CUX1: variants seen among roughly 807,000 people sequenced by gnomAD.
CUX1 encodes the protein protein CASP.
Under a neutral mutation model 158.8 loss-of-function variants are expected in CUX1, and 31 were observed. The observed-to-expected ratio is 0.20, with a 90% CI of 0.15 to 0.26. The LOEUF (loss-of-function observed/expected upper bound fraction) is 0.26, where lower values mean the gene tolerates loss of function less well. CUX1 is among the 10% of genes least tolerant of loss of function. The probability of loss-of-function intolerance (pLI) is 1.00; values close to 1 mark genes in which losing one functional copy is unlikely to be tolerated. For synonymous variants in CUX1, 879 were observed against 862.1 expected, an observed-to-expected ratio of 1.02 and a Z score of -0.34; for missense variants, 1,589 against 2,014.6, an observed-to-expected ratio of 0.79 and a Z score of 4.04.
chr7:102,113,787 A>G lies in CUX1; in HGVS notation c.608-1420A>G, dbSNP rs144889618. 1.7e-3 allele frequency among the ~76,000 whole-genome samples: 252 copies of G among 152,022 alleles called. 1 individual carries two copies. Among genetic ancestry groups the G allele is most frequent in the African/African-American group, 5.8e-3 (242 of 41,444 alleles). On this transcript the variant is annotated intron_variant, in intron 7 of 23. Transcript: ENST00000292535. ...CACTGTGTTGCCCAGGCTGGTCTTG[A>G]AGTTCTGGCCTCCAGTGATCCTCCC... is the stretch of plus-strand genomic sequence containing the variant.
At chr7:101,823,343 A>G (rs1022903493) in intron 1 of CUX1, among the ~76,000 whole-genome samples, 1 of 152,230 alleles carries the variant, frequency 6.6e-6, no homozygotes, top group Non-Finnish European at 1.5e-5. Flanking sequence ...CTCAAGAACT[A>G]GCCAGCCGGG....
intron 10 of CUX1, among the ~76,000 whole-genome samples, chr7:102,172,707 A>G (rs1201478304): frequency 2.6e-5 from 4 of 152,202 alleles, no homozygotes; most frequent in Non-Finnish European, 5.9e-5. Context: ...AATCTAGATC[A>G]AGGTATTAAG....
At chr7:102,097,335 G>T in intron 4 of CUX1, 29 bp from the exon 5 acceptor site, 1 of 1,593,260 alleles carries the variant, frequency 6.3e-7, no homozygotes, top group Non-Finnish European at 8.5e-7. Context: ...CTGGCCGAGT[G>T]GGGTGATGGC....
intron 5 of CUX1, 73 bp from the exon 6 acceptor site, chr7:102,104,263 A>G: frequency 6.9e-7 from 1 of 1,441,916 alleles, no homozygotes; most frequent in East Asian, 2.3e-5. Flanking sequence ...CCAGGTTATG[A>G]GAGCCTTGTA....
chr7:102,206,886 G>A (rs1000344878), intron 20 of CUX1, among the ~76,000 whole-genome samples: 3 of 152,106 alleles, frequency 2.0e-5, no homozygotes, highest in East Asian at 3.9e-4. Context: ...GCAACAGAGC[G>A]AGACTCCATC....
Position 102,249,333 on chromosome 7 carries a change from T to G in CUX1, c.*291T>G. 8.8e-6 allele frequency: 9 copies of G among 1,017,756 alleles called. No individual in the cohort carries two copies. Among genetic ancestry groups the G allele is most frequent in the Non-Finnish European group, 1.1e-5 (9 of 850,500 alleles). 63.0% of individuals were successfully genotyped at this position (1,017,756 alleles called of 1,614,324 possible). A position where few individuals can be genotyped will look rare whatever the true frequency, so the allele number is the denominator to read the frequency against. ...CCCGCGGCCTGGACCCCTGGACCGCTTTGCGCACTTACCGCCCTGCGGGCC... is the reference window on the plus strand; with the variant it reads ...CCCGCGGCCTGGACCCCTGGACCGCGTTGCGCACTTACCGCCCTGCGGGCC... On this transcript the variant is annotated 3_prime_UTR_variant, in exon 24 of 24. Coordinates refer to ENST00000292535, the MANE Select transcript of CUX1 (RefSeq NM_181552.4).
At chr7:102,056,369 G>A (rs990588421) in intron 3 of CUX1, among the ~76,000 whole-genome samples, 5 of 152,120 alleles carry the variant, frequency 3.3e-5, no homozygotes, top group Non-Finnish European at 7.4e-5. Context: ...TCTCGTTAGG[G>A]GATAATGCAG....
intron 4 of CUX1, among the ~76,000 whole-genome samples, chr7:102,096,208 A>T (rs1017387680): frequency 6.6e-6 from 1 of 152,254 alleles, no homozygotes; most frequent in Non-Finnish European, 1.5e-5. Flanking sequence ...GGTCTACGAC[A>T]GGGCCATGCC....
chr7:101,842,749 TATGATC>T (rs1199138843), intron 1 of CUX1, among the ~76,000 whole-genome samples: 2 of 151,902 alleles, frequency 1.3e-5, no homozygotes, highest in South Asian at 4.1e-4. Context: ...ACATTGCATG[TATGATC>T]ATGATCATGA....
At position 101,946,322 on chromosome 7, in the gene CUX1, T is replaced by C. The variant is rs1808365978; in HGVS notation, c.141+30097T>C. ...GGCAGGCCAAGGCATGTGGATCACCTGAGGTCAGGAGTTCATTTTGAGACC... is the reference window on the plus strand; with the variant it reads ...GGCAGGCCAAGGCATGTGGATCACCCGAGGTCAGGAGTTCATTTTGAGACC... On this transcript the variant is annotated intron_variant, in intron 2 of 23. Transcript: ENST00000292535. 2.0e-5 allele frequency among the ~76,000 whole-genome samples: 3 copies of C among 152,098 alleles called. No homozygotes were observed. The South Asian group carries it at 6.2e-4, about 32-fold the overall frequency.
intron 8 of CUX1, among the ~76,000 whole-genome samples, chr7:102,119,374 G>A (rs999472548): frequency 2.6e-5 from 4 of 152,202 alleles, no homozygotes; most frequent in African/African-American, 9.6e-5. Flanking sequence ...ATCGCCATGC[G>A]TCAGCTGGGA....
chr7:101,910,985 A>C (rs1803367537), intron 1 of CUX1, among the ~76,000 whole-genome samples: 1 of 152,254 alleles, frequency 6.6e-6, no homozygotes, highest in Non-Finnish European at 1.5e-5. Flanking sequence ...TGGAGAAAAA[A>C]CATCCCAGAA....
rs1340744516 is a variant in CUX1 at position 102,253,514 on chromosome 7, A to C, written c.*4472A>C. Reference sequence around the variant, plus strand: ...TCCTGCATGCATGTCCTTTGATGCAAGGGTGATCAATGAACTCTGTTGACA... The same window carrying C: ...TCCTGCATGCATGTCCTTTGATGCACGGGTGATCAATGAACTCTGTTGACA... On this transcript the variant is annotated 3_prime_UTR_variant, in exon 24 of 24. Coordinates refer to ENST00000292535, the MANE Select transcript of CUX1 (RefSeq NM_181552.4). 2 of 985,362 alleles carry C rather than the reference A, an allele frequency of 2.0e-6. No individual in the cohort carries two copies. The highest frequency in any genetic ancestry group is 1.2e-4 in the Admixed American group (2 of 16,260). 61.0% of individuals were successfully genotyped at this position (985,362 alleles called of 1,614,324 possible). A position where few individuals can be genotyped will look rare whatever the true frequency, so the allele number is the denominator to read the frequency against.
chr7:101,935,091 C>T (rs1430732703), intron 2 of CUX1, among the ~76,000 whole-genome samples: 1 of 152,104 alleles, frequency 6.6e-6, no homozygotes, highest in East Asian at 1.9e-4. Context: ...ATCCAGATGG[C>T]CGGTTCCTGC....
chr7:102,248,354 C>T lies in CUX1; in HGVS notation c.3888-58C>T. On this transcript the variant is annotated intron_variant, in intron 23 of 23. Transcript: ENST00000292535. This position sits in a 1 kb window ranked among gnomAD's most constrained non-coding sequence, Gnocchi z 5.8. ...GAGAGGGGTCTGGCTGGGGTAGCAC[C>T]AGAGGCCCTTTCCCCAGCAGCACCC... is the stretch of plus-strand genomic sequence containing the variant. 6.8e-7 allele frequency: 1 copy of T among 1,473,886 alleles called. No homozygotes were observed. Among genetic ancestry groups the T allele is most frequent in the Non-Finnish European group, 9.1e-7 (1 of 1,098,052 alleles). 91.3% of individuals were successfully genotyped at this position (1,473,886 alleles called of 1,614,324 possible).
At chr7:102,246,471 C>T (rs1297532469) in intron 23 of CUX1, among the ~76,000 whole-genome samples, 1 of 152,174 alleles carries the variant, frequency 6.6e-6, no homozygotes. Flanking sequence ...CTGCACCCCA[C>T]CAGAGTTCAA....
At position 102,282,711 on chromosome 7, in the gene CUX1, G is replaced by C; in HGVS notation, c.1903-1G>C. ...AGCTCACCGTGTCTCCACCTGGCCA[G>C]GTGCTCTACAAGCTGGCATGGAGCG... On this transcript the variant is annotated splice_acceptor_variant, in intron 21 of 22. Coordinates refer to the CUX1 transcript ENST00000292538. LOFTEE classifies it high-confidence loss of function. 1 of 1,613,126 alleles carries C rather than the reference G, an allele frequency of 6.2e-7. No homozygotes were observed. The highest frequency in any genetic ancestry group is 8.5e-7 in the Non-Finnish European group (1 of 1,179,570).
In CUX1 at chr7:102,182,190, G is replaced by T. The variant is rs782333283; in HGVS notation, c.1017+3533G>T. Among the ~76,000 whole-genome samples, 4 of 152,300 alleles carry T rather than the reference G, an allele frequency of 2.6e-5. No individual in the cohort carries two copies. In the Middle Eastern group the frequency reaches 0.01, roughly 389 times the overall value. On this transcript the variant is annotated intron_variant, in intron 11 of 23. Coordinates refer to ENST00000292535, the MANE Select transcript of CUX1 (RefSeq NM_181552.4). The stretch of plus-strand genomic sequence containing the variant: ...GCAGGTGGTTTTCCCATGAACACTT[G>T]GCAGCAGGTCCTTGATCTTTGAGAC...
At chr7:102,158,733 A>G (rs782387822) in intron 9 of CUX1, 125 bp downstream of exon 9, 44 of 824,806 alleles carry the variant, frequency 5.3e-5, no homozygotes, top group Non-Finnish European at 5.7e-5. Context: ...ACAGCTTTCA[A>G]CGTCGATGCT....
Sources: gnomAD v4.1 joint callset for allele counts (sites outside exome capture counted in the v4.1 genomes callset) on GRCh38, gnomAD v4.1.1 for gene constraint, Gnocchi (gnomAD v3.1) non-coding constraint, MANE v1.5 for transcripts, NCBI Gene and HGNC (gene_info 2026-07-23, HGNC 2026-07-21) for gene names.